The following AGR3 variants were observed in gnomAD, a reference collection of about 807,000 sequenced individuals.
AGR3 encodes the protein anterior gradient protein 3.
Under a neutral mutation model 24.5 loss-of-function variants are expected in AGR3, and 37 were observed. The observed-to-expected ratio is 1.51, with a 90% CI of 1.16 to 1.99. AGR3 has a LOEUF of 1.99. AGR3 is among the 30% of genes most tolerant of loss of function. The probability of loss-of-function intolerance (pLI) is 0.00; values close to 1 mark genes in which losing one functional copy is unlikely to be tolerated. For synonymous variants in AGR3, 75 were observed against 61.6 expected (o/e 1.22, Z -1.02); for missense variants, 228 against 191.1 (o/e 1.19, Z -1.14).
At chr7:16,881,856 G>T (rs1782124315) in intron 1 of AGR3, 88 bp downstream of exon 1, 1 of 458,108 alleles carries the variant, frequency 2.2e-6, no homozygotes, top group African/African-American at 2.0e-5. Context: ...TTTACTGAAA[G>T]CTTCACTTTT....
chr7:16,858,104 C>T (rs1348713202), downstream of AGR3, among the ~76,000 whole-genome samples: 1 of 151,930 alleles, frequency 6.6e-6, no homozygotes, highest in African/African-American at 2.4e-5. Flanking sequence ...TCTCCTGCCT[C>T]AGCCTCCTGA....
At chr7:16,857,617 A>G (rs1264250058), downstream of AGR3, among the ~76,000 whole-genome samples, 1 of 152,166 alleles carries the variant, frequency 6.6e-6, no homozygotes, top group Non-Finnish European at 1.5e-5. Context: ...ATTAAAATAA[A>G]AGCTCTAGAC....
chr7:16,855,367 T>C (rs1781542244), downstream of AGR3, among the ~76,000 whole-genome samples: 1 of 151,976 alleles, frequency 6.6e-6, no homozygotes. Flanking sequence ...TATGATATAC[T>C]TCTAGAAGTT....
At chr7:16,881,237 T>G (rs13308915) in intron 1 of AGR3, among the ~76,000 whole-genome samples, 44,322 of 152,170 alleles carry the variant, frequency 0.29, 7,742 homozygotes, top group Non-Finnish European at 0.4. Flanking sequence ...CTTTAAAATT[T>G]CAAGTCTTTA....
At chr7:16,881,005 G>A (rs550124128) in intron 1 of AGR3, among the ~76,000 whole-genome samples, 21 of 152,234 alleles carry the variant, frequency 1.4e-4, no homozygotes, top group Admixed American at 5.2e-4. Flanking sequence ...TTCCTTTTCC[G>A]TGGGAATAGG....
chr7:16,881,556 AAAC>A (rs1469540471), intron 1 of AGR3, among the ~76,000 whole-genome samples: 5 of 152,256 alleles, frequency 3.3e-5, no homozygotes, highest in Non-Finnish European at 1.5e-5. Flanking sequence ...TAGATTGTAT[AAAC>A]ATTGGTCAAT....
At chr7:16,859,182 G>A (rs1403769899), downstream of AGR3, among the ~76,000 whole-genome samples, 1 of 151,364 alleles carries the variant, frequency 6.6e-6, no homozygotes, top group Non-Finnish European at 1.5e-5. Flanking sequence ...AGGATTGCTT[G>A]AGCCCAGGAG....
intron 3 of AGR3, among the ~76,000 whole-genome samples, chr7:16,866,592 A>C (rs1412035010): frequency 6.6e-6 from 1 of 152,080 alleles, no homozygotes; most frequent in African/African-American, 2.4e-5. Flanking sequence ...GTGAGCAGTA[A>C]TTGTTTTTGC....
intron 3 of AGR3, among the ~76,000 whole-genome samples, chr7:16,866,584 G>A (rs1329902889): frequency 6.6e-6 from 1 of 152,124 alleles, no homozygotes; most frequent in Admixed American, 6.5e-5. Flanking sequence ...CTGGTAGTGT[G>A]AGCAGTAATT....
At chr7:16,859,160 G>C (rs1264172388), downstream of AGR3, among the ~76,000 whole-genome samples, 1 of 151,794 alleles carries the variant, frequency 6.6e-6, no homozygotes, top group Non-Finnish European at 1.5e-5. Context: ...CACTCTGGCA[G>C]GCCAAGGTTG....
intron 1 of AGR3, among the ~76,000 whole-genome samples, chr7:16,879,598 T>G (rs1278113196): frequency 6.6e-6 from 1 of 152,228 alleles, no homozygotes; most frequent in Non-Finnish European, 1.5e-5. Context: ...TGATTTGAAG[T>G]TCCTTTAAGA....
Position 16,877,720 on chromosome 7 carries a change from G to A in AGR3, c.109+790C>T, listed in dbSNP as rs1047398043. On this transcript the variant is annotated intron_variant, in intron 2 of 7. Coordinates refer to ENST00000310398, the MANE Select transcript of AGR3 (RefSeq NM_176813.5). ...CTACTAAAACTACAAAAAATTAGCC[G>A]GGCATGGTGGCGGGCGCCTGTAGTC... is the stretch of plus-strand genomic sequence containing the variant. 1.1e-3 allele frequency among the ~76,000 whole-genome samples: 171 copies of A among 152,084 alleles called. 1 individual carries two copies. Among genetic ancestry groups the A allele is most frequent in the African/African-American group, 3.9e-3 (162 of 41,494 alleles).
chr7:16,871,366 C>T (rs907510846), intron 3 of AGR3, among the ~76,000 whole-genome samples: 3 of 152,168 alleles, frequency 2.0e-5, no homozygotes, highest in African/African-American at 7.2e-5. Context: ...AGAGCAAATA[C>T]TTGTGGCATC....
chr7:16,874,505 A>T (rs1781947936), intron 2 of AGR3, among the ~76,000 whole-genome samples: 1 of 152,174 alleles, frequency 6.6e-6, no homozygotes, highest in African/African-American at 2.4e-5. Context: ...AAGCAATTAA[A>T]GATAAAATCA....
At chr7:16,862,715 A>G in intron 3 of AGR3, 53 bp from the exon 4 acceptor site, 1 of 1,272,292 alleles carries the variant, frequency 7.9e-7, no homozygotes, top group Non-Finnish European at 1.1e-6. Context: ...GGGTCAAAAT[A>G]TACAGTAGAG....
intron 2 of AGR3, among the ~76,000 whole-genome samples, chr7:16,874,942 T>C (rs6957631): frequency 0.93 from 141,138 of 151,902 alleles, 66,107 homozygotes; most frequent in Non-Finnish European, 1. Context: ...TACAGTGTAA[T>C]CTGTCTCTAC....
At chr7:16,864,552 C>G (rs755936551) in intron 3 of AGR3, 213 of 1,368,696 alleles carry the variant, frequency 1.6e-4, no homozygotes, top group Middle Eastern at 1.3e-3. Flanking sequence ...TCAGAGGGAG[C>G]CTTCCAATAT....
At chr7:16,864,491 C>A in intron 3 of AGR3, 2 of 1,257,924 alleles carry the variant, frequency 1.6e-6, no homozygotes, top group Non-Finnish European at 2.3e-6. Context: ...TCGATCATTC[C>A]ATGTTCCCTG....
intron 2 of AGR3, among the ~76,000 whole-genome samples, chr7:16,876,105 G>A (rs1395069329): frequency 6.6e-6 from 1 of 152,092 alleles, no homozygotes; most frequent in Non-Finnish European, 1.5e-5. Context: ...TACAAACATA[G>A]AGCAATATAA....
Sources: gnomAD v4.1 joint callset for allele counts (sites outside exome capture counted in the v4.1 genomes callset) on GRCh38, gnomAD v4.1.1 for gene constraint, MANE v1.5 for transcripts, NCBI Gene and HGNC (gene_info 2026-07-23, HGNC 2026-07-21) for gene names.